The following SEMA6D variants were observed in gnomAD, a reference collection of about 807,000 sequenced individuals.
SEMA6D encodes the protein semaphorin-6D.
A neutral mutation model predicts 106.6 loss-of-function variants in SEMA6D; 35 were observed. That is an observed-to-expected ratio of 0.33 (90% CI 0.25 to 0.44). SEMA6D has a LOEUF of 0.44. Among genes scored for constraint, SEMA6D ranks in the 20% least tolerant of loss-of-function variants. The pLI is 1.00. For missense variants in SEMA6D, 1,185 were observed against 1,345.9 expected, an observed-to-expected ratio of 0.88 and a Z score of 1.87; for synonymous variants, 499 against 487.7, an observed-to-expected ratio of 1.02 and a Z score of -0.31.
At chr15:47,259,902 G>T (rs1374624167) in intron 1 of SEMA6D, among the ~76,000 whole-genome samples, 2 of 149,932 alleles carry the variant, frequency 1.3e-5, no homozygotes, top group Non-Finnish European at 3.0e-5. Context: ...TCTCTTTGTT[G>T]TTCAGATGGG....
intron 1 of SEMA6D, among the ~76,000 whole-genome samples, chr15:47,282,738 G>T (rs1362783864): frequency 6.6e-6 from 1 of 152,110 alleles, no homozygotes; most frequent in Non-Finnish European, 1.5e-5. Flanking sequence ...AAGCTTTTCT[G>T]GCTACTTTTA....
intron 4 of SEMA6D, among the ~76,000 whole-genome samples, chr15:47,609,851 G>C (rs2076858585): frequency 6.6e-6 from 1 of 152,180 alleles, no homozygotes; most frequent in Non-Finnish European, 1.5e-5. Flanking sequence ...GGCTCCACCA[G>C]GAAGGACACC....
chr15:47,571,634 A>T (rs184834020), intron 3 of SEMA6D, among the ~76,000 whole-genome samples: 30 of 152,360 alleles, frequency 2.0e-4, no homozygotes, highest in Admixed American at 1.8e-3. Flanking sequence ...TGTAGAAAAC[A>T]TTCTGCTAAA....
chr15:47,247,312 A>G (rs1566949305), intron 1 of SEMA6D, among the ~76,000 whole-genome samples: 1 of 152,174 alleles, frequency 6.6e-6, no homozygotes, highest in Non-Finnish European at 1.5e-5. Flanking sequence ...CTGAAGCACG[A>G]TTAGGGTTTA....
intron 4 of SEMA6D, among the ~76,000 whole-genome samples, chr15:47,624,212 A>C (rs1025632687): frequency 3.3e-4 from 50 of 152,200 alleles, no homozygotes; most frequent in Admixed American, 3.1e-3. Flanking sequence ...CAGCATAGAC[A>C]CTGCGTGTTC....
chr15:47,282,306 G>A (rs1386314170), intron 1 of SEMA6D, among the ~76,000 whole-genome samples: 1 of 152,012 alleles, frequency 6.6e-6, no homozygotes, highest in Non-Finnish European at 1.5e-5. Context: ...TTGTGTAAAC[G>A]GATTTATGCA....
At chr15:47,745,978 G>T (rs1424331660) in intron 1 of SEMA6D, among the ~76,000 whole-genome samples, 1 of 152,228 alleles carries the variant, frequency 6.6e-6, no homozygotes, top group Non-Finnish European at 1.5e-5. Flanking sequence ...TTGACTTACA[G>T]AATCCTGATA....
intron 4 of SEMA6D, among the ~76,000 whole-genome samples, chr15:47,702,987 G>A (rs541569852): frequency 1.3e-5 from 2 of 152,230 alleles, no homozygotes; most frequent in South Asian, 4.2e-4. Flanking sequence ...CACAAATAGT[G>A]AACTGTAATG....
chr15:47,587,792 CT>C (rs3050572), intron 3 of SEMA6D, among the ~76,000 whole-genome samples: 135,644 of 149,476 alleles, frequency 0.91, 61,997 homozygotes, highest in East Asian at 1. Flanking sequence ...CTTTTTCTTT[CT>C]TTTTTTTTTT....
chr15:47,389,683 A>T (rs2039962883), intron 1 of SEMA6D, among the ~76,000 whole-genome samples: 1 of 152,182 alleles, frequency 6.6e-6, no homozygotes, highest in Admixed American at 6.5e-5. Context: ...TGTAGAAAAA[A>T]ATAGCAACAT....
chr15:47,281,936 A>T (rs1029809450), intron 1 of SEMA6D, among the ~76,000 whole-genome samples: 2 of 152,162 alleles, frequency 1.3e-5, no homozygotes, highest in African/African-American at 4.8e-5. Flanking sequence ...GGTTTACCCT[A>T]ATTATAGAAC....
intron 1 of SEMA6D, among the ~76,000 whole-genome samples, chr15:47,370,683 TAAAAAAAAAAA>T (rs376454672): frequency 4.2e-5 from 4 of 95,168 alleles, no homozygotes; most frequent in African/African-American, 1.3e-4. Context: ...CGTCTCTACT[TAAAAAAAAAAA>T]AAAAAAAAAA....
chr15:47,531,524 A>T (rs969358361), intron 3 of SEMA6D, among the ~76,000 whole-genome samples: 5 of 152,242 alleles, frequency 3.3e-5, no homozygotes, highest in African/African-American at 4.8e-5. Context: ...ACATATTTTC[A>T]GGTAAAGGCA....
At chr15:47,572,285 A>G (rs1288352254) in intron 3 of SEMA6D, among the ~76,000 whole-genome samples, 2 of 152,242 alleles carry the variant, frequency 1.3e-5, no homozygotes, top group African/African-American at 4.8e-5. Context: ...AATTTTTGAA[A>G]GACTTTATAT....
intron 3 of SEMA6D, among the ~76,000 whole-genome samples, chr15:47,534,685 C>T (rs565927270): frequency 1.2e-3 from 185 of 152,174 alleles, no homozygotes; most frequent in African/African-American, 4.0e-3. Flanking sequence ...GTAATGCTTT[C>T]GGGGATTTGA....
In SEMA6D at chr15:47,230,989, TTCC is replaced by T. The variant is rs927364506; in HGVS notation, c.-239+46575_-239+46577del. 1.3e-3 allele frequency among the ~76,000 whole-genome samples: 196 copies of T among 152,084 alleles called. 2 individuals carry two copies. Among genetic ancestry groups the T allele is most frequent in the African/African-American group, 4.6e-3 (190 of 41,522 alleles). On this transcript the variant is annotated intron_variant, in intron 1 of 19. Transcript: ENST00000558014. ...TCCTCTGTTTTACTTTTTACCCCCT[TTCC>T]TCCCCTTTGTCTTTGTCCTCACAAT...
chr15:47,690,051 G>A (rs971677784), intron 4 of SEMA6D, among the ~76,000 whole-genome samples: 2 of 152,224 alleles, frequency 1.3e-5, no homozygotes, highest in African/African-American at 2.4e-5. Context: ...TCTCTATGCA[G>A]GGGAGTGTTT....
At chr15:47,420,976 T>C (rs1368583313) in intron 2 of SEMA6D, among the ~76,000 whole-genome samples, 1 of 152,134 alleles carries the variant, frequency 6.6e-6, no homozygotes, top group Non-Finnish European at 1.5e-5. Flanking sequence ...AGCATAAAAT[T>C]GCTATTTCTC....
At chr15:47,769,674 A>G (rs752220428) in intron 18 of SEMA6D, among the ~76,000 whole-genome samples, 3 of 152,184 alleles carry the variant, frequency 2.0e-5, no homozygotes, top group Non-Finnish European at 2.9e-5. Flanking sequence ...CATGTAACAG[A>G]CTTGAATACC....
Sources: allele counts gnomAD v4.1 joint callset (sites outside exome capture counted in the v4.1 genomes callset), GRCh38; gene constraint gnomAD v4.1.1; transcripts MANE v1.5; gene names NCBI Gene and HGNC (gene_info 2026-07-23, HGNC 2026-07-21).